The following FGF7 variants were observed in gnomAD, a reference collection of about 807,000 sequenced individuals.
FGF7 encodes the protein FGF-7.
FGF7 carries 6 observed loss-of-function variants against 20.5 expected under a neutral mutation model. The ratio of observed to expected loss-of-function variants is 0.29; its 90% CI spans 0.16 to 0.58. The LOEUF is 0.58. Among genes scored for constraint, FGF7 ranks in the 20% least tolerant of loss-of-function variants. The pLI is 0.90. For missense variants in FGF7, 144 were observed against 228.8 expected (o/e 0.63, Z 2.39); for synonymous variants, 64 against 74.7 (o/e 0.86, Z 0.74).
At chr15:49,458,317 T>G (rs916810053) in intron 2 of FGF7, among the ~76,000 whole-genome samples, 4 of 152,068 alleles carry the variant, frequency 2.6e-5, no homozygotes, top group African/African-American at 9.7e-5. Flanking sequence ...ATTTAAATAG[T>G]CATAATCCAC....
intron 2 of FGF7, among the ~76,000 whole-genome samples, chr15:49,448,992 TA>T (rs971075570): frequency 2.6e-5 from 4 of 151,676 alleles, no homozygotes; most frequent in Admixed American, 6.6e-5. Flanking sequence ...GATATGCCAC[TA>T]AAAAAAACAC....
chr15:49,423,836 A>G (rs2049896923), intron 1 of FGF7, among the ~76,000 whole-genome samples, 196 bp from the exon 2 acceptor site: 1 of 152,128 alleles, frequency 6.6e-6, no homozygotes, highest in African/African-American at 2.4e-5. Flanking sequence ...GTCTCTACTC[A>G]TGCATAAATT....
chr15:49,466,657 G>T (rs1366385910), intron 2 of FGF7, among the ~76,000 whole-genome samples: 1 of 152,116 alleles, frequency 6.6e-6, no homozygotes. Flanking sequence ...TATAATAATA[G>T]TTGAGGCACA....
At chr15:49,459,889 T>A (rs1209199145) in intron 2 of FGF7, among the ~76,000 whole-genome samples, 1 of 152,164 alleles carries the variant, frequency 6.6e-6, no homozygotes, top group Non-Finnish European at 1.5e-5. Flanking sequence ...GGTGGAGGTA[T>A]TTACACAATG....
intron 2 of FGF7, among the ~76,000 whole-genome samples, chr15:49,437,503 G>C (rs185818206): frequency 3.3e-5 from 5 of 151,696 alleles, no homozygotes; most frequent in Admixed American, 1.3e-4. Flanking sequence ...AGTATATCTG[G>C]AATTCTATTT....
At chr15:49,450,317 T>C (rs1186149091) in intron 2 of FGF7, among the ~76,000 whole-genome samples, 2 of 152,104 alleles carry the variant, frequency 1.3e-5, no homozygotes, top group East Asian at 3.9e-4. Flanking sequence ...CTTCCAAATC[T>C]TGGAATTTTT....
intron 2 of FGF7, among the ~76,000 whole-genome samples, chr15:49,470,230 C>T (rs938607295): frequency 7.7e-6 from 1 of 129,316 alleles, no homozygotes; most frequent in Admixed American, 8.5e-5. Flanking sequence ...CTTTAAGTGG[C>T]ACCTTATAAT....
chr15:49,468,633 T>C (rs1374482128), intron 2 of FGF7, among the ~76,000 whole-genome samples: 2 of 152,208 alleles, frequency 1.3e-5, no homozygotes, highest in East Asian at 1.9e-4. Flanking sequence ...TCCAGCCTGC[T>C]GGAGGTCACT....
chr15:49,461,498 A>G (rs970962406), intron 2 of FGF7, among the ~76,000 whole-genome samples: 3 of 152,236 alleles, frequency 2.0e-5, no homozygotes, highest in Admixed American at 6.5e-5. Flanking sequence ...GAGAAACTGC[A>G]TATTTCATGC....
At chr15:49,437,976 G>T (rs1022304650) in intron 2 of FGF7, among the ~76,000 whole-genome samples, 2 of 151,644 alleles carry the variant, frequency 1.3e-5, no homozygotes, top group African/African-American at 4.8e-5. Flanking sequence ...AGTGAATCAG[G>T]CTAGAGAAGA....
intron 2 of FGF7, among the ~76,000 whole-genome samples, chr15:49,426,474 A>G (rs2050142004): frequency 6.6e-6 from 1 of 151,992 alleles, no homozygotes; most frequent in Non-Finnish European, 1.5e-5. Context: ...TAGATGTAAA[A>G]TCCAGTGAAA....
intron 3 of FGF7, 40 bp from the exon 4 acceptor site, chr15:49,484,270 A>C: frequency 1.1e-5 from 16 of 1,477,810 alleles, no homozygotes; most frequent in Non-Finnish European, 1.5e-5. Flanking sequence ...CTCTCTAAAA[A>C]TCATTTGGAT....
intron 2 of FGF7, among the ~76,000 whole-genome samples, chr15:49,481,484 T>C (rs560316066): frequency 1.3e-5 from 2 of 152,236 alleles, no homozygotes; most frequent in Non-Finnish European, 2.9e-5. Context: ...AAGCCTAGCA[T>C]AGAATTGGCT....
At chr15:49,476,171 A>C (rs4614670) in intron 2 of FGF7, among the ~76,000 whole-genome samples, 50,322 of 147,596 alleles carry the variant, frequency 0.34, 9,420 homozygotes, top group African/African-American at 0.49. Context: ...TCCGTTGACC[A>C]CTTGACCACT....
chr15:49,451,813 G>A (rs1026843867), intron 2 of FGF7, among the ~76,000 whole-genome samples: 1 of 152,042 alleles, frequency 6.6e-6, no homozygotes, highest in Non-Finnish European at 1.5e-5. Flanking sequence ...GCAATCAAGA[G>A]CGGTCAAGTA....
intron 2 of FGF7, among the ~76,000 whole-genome samples, chr15:49,475,844 C>T (rs1387380337): frequency 1.3e-5 from 2 of 151,982 alleles, no homozygotes; most frequent in African/African-American, 2.4e-5. Flanking sequence ...AAAAATTAGG[C>T]GGTCGTGGTG....
chr15:49,424,337 C>G lies in FGF7; in HGVS notation c.40C>G (p.Leu14Val). 6.2e-7 allele frequency: 1 copy of G among 1,613,586 alleles called. No individual in the cohort carries two copies. The highest frequency in any genetic ancestry group is 8.5e-7 in the Non-Finnish European group (1 of 1,179,644). ...WILTWILPTL[L>V]YRSCFHIICL... The stretch of plus-strand genomic sequence containing the variant: ...ACTGACATGGATCCTGCCAACTTTG[C>G]TCTACAGATCATGCTTTCACATTAT... The change falls in exon 2 of 4, where the codon CTC (leucine) becomes GTC (valine). Residue 14 changes from leucine (L) to valine (V), a missense_variant. Around this residue, in one of 2 missense-constraint regions of FGF7, gnomAD observed 88 missense variants for 103.4 expected, o/e 0.85. Coordinates refer to ENST00000267843, the MANE Select transcript of FGF7 (RefSeq NM_002009.4).
chr15:49,432,009 T>A (rs2050665619), intron 2 of FGF7, among the ~76,000 whole-genome samples: 1 of 151,742 alleles, frequency 6.6e-6, no homozygotes, highest in Non-Finnish European at 1.5e-5. Flanking sequence ...ATCTCTTGGT[T>A]GATTTTGTGC....
At chr15:49,471,221 C>T (rs2054712614) in intron 2 of FGF7, among the ~76,000 whole-genome samples, 1 of 151,348 alleles carries the variant, frequency 6.6e-6, no homozygotes, top group African/African-American at 2.4e-5. Context: ...TACAGTGACT[C>T]GTGCCTGTAA....
Sources: allele counts gnomAD v4.1 joint callset (sites outside exome capture counted in the v4.1 genomes callset), GRCh38; gene constraint gnomAD v4.1.1; regional missense constraint gnomAD v4.1.1; transcripts MANE v1.5; gene names NCBI Gene and HGNC (gene_info 2026-07-23, HGNC 2026-07-21).